The following KICS2 variants were observed in gnomAD, a reference collection of about 807,000 sequenced individuals.
KICS2 encodes the protein KICSTOR complex protein C12orf66.
KICS2 carries 13 observed loss-of-function variants against 31.4 expected under a neutral mutation model. The ratio of observed to expected loss-of-function variants is 0.41; its 90% CI spans 0.27 to 0.66. The LOEUF (loss-of-function observed/expected upper bound fraction) is 0.66, where lower values mean the gene tolerates loss of function less well. KICS2 is among the 30% of genes least tolerant of loss of function. The pLI is 0.28. For synonymous variants in KICS2, 209 were observed against 214.8 expected (o/e 0.97, Z 0.24); for missense variants, 455 against 545.4 (o/e 0.83, Z 1.65).
Position 64,222,125 on chromosome 12 carries a change from T to A in KICS2, c.113A>T (p.Glu38Val). 6.2e-7 allele frequency: 1 copy of A among 1,613,996 alleles called. No homozygotes were observed. The highest frequency in any genetic ancestry group is 8.5e-7 in the Non-Finnish European group (1 of 1,179,934). The stretch of plus-strand genomic sequence containing the variant: ...GCTCTTGTTGGCCTCTCGTTCCTTC[T>A]CCACATTGTCCTTAGCCTTGTCGTA... ...FSYDKAKDNV[E>V]KEREANKSAG... The change falls in exon 1 of 3, where the codon GAG (glutamate) becomes GTG (valine). Residue 38 changes from glutamate (E) to valine (V), a missense_variant. Transcript: ENST00000398055.
In KICS2 at chr12:64,195,625, G is replaced by A. The variant is rs183250514; in HGVS notation, c.522-967C>T. On this transcript the variant is annotated intron_variant, in intron 2 of 2. Coordinates refer to ENST00000398055, the MANE Select transcript of KICS2 (RefSeq NM_152440.5). ...AAGATGGCCGAATAGGAACAGCTCC[G>A]GTCTACAGCTCCCAGCATGAGCAAC... Among the ~76,000 whole-genome samples the A allele has an allele frequency of 7.4e-3, 990 of 134,582 alleles. 14 individuals carry two copies. Among genetic ancestry groups the A allele is most frequent in the African/African-American group, 0.026 (889 of 34,424 alleles). The allele number at this position is 134,582 out of a possible 152,430, so 88.3% of individuals were successfully genotyped here.
At position 64,222,059 on chromosome 12, in the gene KICS2, TGCGCCAAGGCC is replaced by T; in HGVS notation, c.168_178del (p.Ala57ProfsTer39). The stretch of plus-strand genomic sequence containing the variant: ...ATAGACCTTCTCGGCCGCGGCCAGG[TGCGCCAAGGCC>T]GCCAGCAGCGACAGCCAGCTGCCCC... On this transcript the variant is annotated frameshift_variant, in exon 1 of 3. Transcript: ENST00000398055. LOFTEE classifies it high-confidence loss of function. 1 of 1,613,618 alleles carries T rather than the reference TGCGCCAAGGCC, an allele frequency of 6.2e-7. No homozygotes were observed.
chr12:64,202,226 A>G (rs559524823), intron 2 of KICS2, among the ~76,000 whole-genome samples: 1 of 152,178 alleles, frequency 6.6e-6, no homozygotes, highest in East Asian at 1.9e-4. Flanking sequence ...GGCAACATGG[A>G]AAAACTCCAT....
chr12:64,220,371 C>T lies in KICS2; in HGVS notation c.235+1632G>A, dbSNP rs560374963. ...CAGTTCTGTTTACGTAAAAACCTGG[C>T]TCATTCAACTTAAAACTAGAGTAGC... On this transcript the variant is annotated intron_variant, in intron 1 of 2. Coordinates refer to ENST00000398055, the MANE Select transcript of KICS2 (RefSeq NM_152440.5). 3.9e-5 allele frequency among the ~76,000 whole-genome samples: 6 copies of T among 152,238 alleles called. No homozygotes were observed. The East Asian group carries it at 1.2e-3, about 29-fold the overall frequency.
intron 2 of KICS2, among the ~76,000 whole-genome samples, chr12:64,205,651 AAGGGAGGGAGGGAGGG>A (rs1191598874): frequency 1.7e-4 from 23 of 138,368 alleles, no homozygotes; most frequent in East Asian, 7.5e-4. Flanking sequence ...GGAATGAAGG[AAGGGAGGGAGGGAGGG>A]AAAAGGGAAG....
Position 64,194,048 on chromosome 12 carries a change from A to C in KICS2, c.1132T>G (p.Leu378Val), listed in dbSNP as rs202171306. 57 of 1,614,040 alleles carry C rather than the reference A, an allele frequency of 3.5e-5. No individual in the cohort carries two copies. The highest frequency in any genetic ancestry group is 4.7e-5 in the Non-Finnish European group (56 of 1,180,046). The change falls in exon 3 of 3, where the codon TTG becomes GTG. Residue 378 changes from leucine (L) to valine (V), a missense_variant. Physicochemically the swap from Leu to Val is conservative, Grantham distance 32. Transcript: ENST00000398055. ...MTDRTSDLNS[L>V]EKVVHFYDDK... ...TCATAGAAGTGGACCACTTTCTCCA[A>C]GCTGTTCAGATCAGATGTGCGGTCC... is the stretch of plus-strand genomic sequence containing the variant.
At chr12:64,221,629 G>C (rs1318269448) in intron 1 of KICS2, 1 of 308,998 alleles carries the variant, frequency 3.2e-6, no homozygotes, top group African/African-American at 2.1e-5. Flanking sequence ...TTCAGTAATA[G>C]AACTAGGTTG....
intron 2 of KICS2, among the ~76,000 whole-genome samples, chr12:64,205,677 GGAAGGAAGGAA>G (rs1332156553): frequency 7.2e-6 from 1 of 139,046 alleles, no homozygotes; most frequent in Admixed American, 7.4e-5. Flanking sequence ...GAAAAGGGAA[GGAAGGAAGGAA>G]GAAGGAAGGA....
chr12:64,219,207 A>C (rs2037656228), intron 1 of KICS2, among the ~76,000 whole-genome samples: 1 of 152,150 alleles, frequency 6.6e-6, no homozygotes, highest in Non-Finnish European at 1.5e-5. Context: ...ATACTTTTTA[A>C]ACATCAGTTC....
chr12:64,194,936 A>ATTTTTTTTTTT (rs60371744), intron 2 of KICS2, among the ~76,000 whole-genome samples: 1 of 149,456 alleles, frequency 6.7e-6, no homozygotes, highest in Non-Finnish European at 1.5e-5. Context: ...GCTACAATTC[A>ATTTTTTTTTTT]TTTTTTTTTT....
At position 64,193,112 on chromosome 12, in the gene KICS2, T is replaced by A; in HGVS notation, c.*730A>T. On this transcript the variant is annotated 3_prime_UTR_variant, in exon 3 of 3. Coordinates refer to ENST00000398055, the MANE Select transcript of KICS2 (RefSeq NM_152440.5). ...GAATGAAGAAAGCCCACATGATGGC[T>A]TATGCTGACTTTACAACAGAGTGAA... is the stretch of plus-strand genomic sequence containing the variant. 1 of 985,446 alleles carries A rather than the reference T, an allele frequency of 1.0e-6. No individual in the cohort carries two copies. The allele number at this position is 985,446 out of a possible 1,614,324, so 61.0% of individuals were successfully genotyped here.
chr12:64,221,900 G>T (rs1024646035), intron 1 of KICS2, 103 bp downstream of exon 1: 2 of 1,268,608 alleles, frequency 1.6e-6, no homozygotes, highest in Non-Finnish European at 1.1e-6. Flanking sequence ...TCGAGCCTGC[G>T]ACTAGAAGTG....
chr12:64,205,368 T>C (rs932296853), intron 2 of KICS2, among the ~76,000 whole-genome samples: 8 of 152,188 alleles, frequency 5.3e-5, no homozygotes, highest in African/African-American at 1.9e-4. Context: ...AAAATTCATG[T>C]TAATGTTAGT....
chr12:64,193,129 C>T lies in KICS2; in HGVS notation c.*713G>A, dbSNP rs2037397006. The T allele has an allele frequency of 1.0e-6, 1 of 985,302 alleles. No homozygotes were observed. Among genetic ancestry groups the T allele is most frequent in the Admixed American group, 6.1e-5 (1 of 16,266 alleles). The allele number at this position is 985,302 out of a possible 1,614,324, so 61.0% of individuals were successfully genotyped here. ...ATGATGGCTTATGCTGACTTTACAACAGAGTGAAACATTCAAACATTAAAG... is the reference window on the plus strand; with the variant it reads ...ATGATGGCTTATGCTGACTTTACAATAGAGTGAAACATTCAAACATTAAAG... On this transcript the variant is annotated 3_prime_UTR_variant, in exon 3 of 3. Transcript: ENST00000398055.
chr12:64,203,854 C>G (rs1592383526), intron 2 of KICS2, among the ~76,000 whole-genome samples: 2 of 152,288 alleles, frequency 1.3e-5, no homozygotes, highest in East Asian at 3.9e-4. Flanking sequence ...CATTTTACAT[C>G]AACATCCTTC....
intron 2 of KICS2, among the ~76,000 whole-genome samples, chr12:64,210,855 A>G (rs553286626): frequency 6.6e-6 from 1 of 152,250 alleles, no homozygotes; most frequent in South Asian, 2.1e-4. Context: ...AGACACACAC[A>G]CACACACGTG....
At chr12:64,206,706 C>T (rs1006713800) in intron 2 of KICS2, among the ~76,000 whole-genome samples, 2 of 152,060 alleles carry the variant, frequency 1.3e-5, no homozygotes, top group African/African-American at 4.8e-5. Context: ...TATTGTTCAG[C>T]CTTAAAAAGA....
chr12:64,196,261 G>GCAGA (rs1034656207), intron 2 of KICS2, among the ~76,000 whole-genome samples: 12 of 147,176 alleles, frequency 8.2e-5, no homozygotes, highest in African/African-American at 2.8e-4. Flanking sequence ...CTGAGAACCG[G>GCAGA]CAGACTGCCT....
rs1592377761 is a variant in KICS2 at position 64,193,192 on chromosome 12, C to A, written c.*650G>T. 1 of 985,290 alleles carries A rather than the reference C, an allele frequency of 1.0e-6. No homozygotes were observed. Among genetic ancestry groups the A allele is most frequent in the Non-Finnish European group, 1.2e-6 (1 of 829,998 alleles). The allele number at this position is 985,290 out of a possible 1,614,324, so 61.0% of individuals were successfully genotyped here. ...ATGCAGTTAGGTGTGTACATTACCC[C>A]AAAAGAACCCATGGCTATTAAAGCT... On this transcript the variant is annotated 3_prime_UTR_variant, in exon 3 of 3. Transcript: ENST00000398055.
Sources: gnomAD v4.1 joint callset for allele counts (sites outside exome capture counted in the v4.1 genomes callset) on GRCh38, gnomAD v4.1.1 for gene constraint, MANE v1.5 for transcripts, NCBI Gene and HGNC (gene_info 2026-07-23, HGNC 2026-07-21) for gene names.